Variants in MLLT10 observed in about 807,000 individuals in gnomAD.
MLLT10 encodes the protein protein AF-10.
Under a neutral mutation model 129.1 loss-of-function variants are expected in MLLT10, and 30 were observed. The ratio of observed to expected loss-of-function variants is 0.23; its 90% CI spans 0.17 to 0.32. The LOEUF (loss-of-function observed/expected upper bound fraction) is 0.32. Among genes scored for constraint, MLLT10 ranks in the 10% least tolerant of loss-of-function variants. The pLI is 1.00. For synonymous variants in MLLT10, 490 were observed against 446.4 expected (o/e 1.10, Z -1.23); for missense variants, 1,119 against 1,268.3 (o/e 0.88, Z 1.79).
intron 3 of MLLT10, chr10:21,556,568 A>G: frequency 8.6e-7 from 1 of 1,163,992 alleles, no homozygotes; most frequent in Admixed American, 2.3e-5. Flanking sequence ...TAAGCTTTGC[A>G]GTTTTCTAGG....
chr10:21,666,743 C>T (rs987792995), intron 9 of MLLT10, among the ~76,000 whole-genome samples: 5 of 152,100 alleles, frequency 3.3e-5, no homozygotes, highest in African/African-American at 1.2e-4. Flanking sequence ...GTCTGTTACT[C>T]CTTCCTTATC....
intron 13 of MLLT10, among the ~76,000 whole-genome samples, chr10:21,707,115 T>A (rs957272209): frequency 6.6e-6 from 1 of 151,844 alleles, no homozygotes; most frequent in Non-Finnish European, 1.5e-5. Flanking sequence ...GCACTTTTAA[T>A]CACTAGCCAG....
intron 2 of MLLT10, among the ~76,000 whole-genome samples, chr10:21,536,353 G>C (rs2033998390): frequency 6.6e-6 from 1 of 152,110 alleles, no homozygotes; most frequent in South Asian, 2.1e-4. Flanking sequence ...TTGGCATTTT[G>C]AAGGCCAATG....
chr10:21,601,874 T>C lies in MLLT10; in HGVS notation c.405+6434T>C, dbSNP rs570370423. ...TTTGTTTTTGTTTTTGTTTTTAATA[T>C]TTATTTGGCTTCTGGAGTACTCTAG... is the stretch of plus-strand genomic sequence containing the variant. On this transcript the variant is annotated intron_variant, in intron 5 of 22. Transcript: ENST00000307729. 3.9e-5 allele frequency among the ~76,000 whole-genome samples: 6 copies of C among 152,252 alleles called. No homozygotes were observed. The East Asian group carries it at 1.2e-3, about 29-fold the overall frequency.
At position 21,730,932 on chromosome 10, in the gene MLLT10, A is replaced by G. The variant is rs191039912; in HGVS notation, c.2096A>G (p.Asp699Gly). 1.9e-6 allele frequency: 3 copies of G among 1,614,190 alleles called. No homozygotes were observed. The highest frequency in any genetic ancestry group is 2.7e-5 in the African/African-American group (2 of 75,052). ...GTAAGCAGCTTACAGATTCGCTATG[A>G]TCAACCAGGCAACAGCAGTTTGGAA... Reference protein sequence around the residue: ...SPVSSLQIRYDQPGNSSLENL... With the variant: ...SPVSSLQIRYGQPGNSSLENL... The change falls in exon 17 of 23, where the codon GAT becomes GGT. Residue 699 changes from aspartate to glycine, a missense_variant. Asp to Gly is a moderately conservative substitution (Grantham distance 94, BLOSUM62 -1). Coordinates refer to ENST00000307729, the MANE Select transcript of MLLT10 (RefSeq NM_001195626.3).
In MLLT10 at chr10:21,673,411, C is replaced by T. The variant is rs778187736; in HGVS notation, c.1113C>T (p.Pro371=). The T allele has an allele frequency of 4.4e-6, 7 of 1,608,160 alleles. No individual in the cohort carries two copies. Among genetic ancestry groups the T allele is most frequent in the Non-Finnish European group, 5.9e-6 (7 of 1,177,752 alleles). ...CTTCTGGAAGTTCAGTGCAGTCTCC[C>T]CAGGATTTCCTGAGCTTTACAGACT... ...KSSSGSSVQS[P]QDFLSFTDSD... The change falls in exon 11 of 23, where the codon CCC becomes CCT. Residue 371 remains proline, a synonymous_variant. Transcript: ENST00000307729.
At chr10:21,671,518 T>G (rs1216560385) in intron 10 of MLLT10, among the ~76,000 whole-genome samples, 1 of 152,166 alleles carries the variant, frequency 6.6e-6, no homozygotes. Flanking sequence ...CTGGGCACAG[T>G]GGCTCATGCC....
chr10:21,678,851 G>C (rs1218806437), intron 11 of MLLT10, among the ~76,000 whole-genome samples: 1 of 152,068 alleles, frequency 6.6e-6, no homozygotes, highest in African/African-American at 2.4e-5. Context: ...TTTGATCCTT[G>C]GAACAGCCTT....
chr10:21,593,926 T>TAA (rs61561146), intron 4 of MLLT10, among the ~76,000 whole-genome samples: 2,246 of 45,328 alleles, frequency 0.05, 179 homozygotes, highest in African/African-American at 0.092. Flanking sequence ...GCTTTGTCTT[T>TAA]AAAAAAAAAA....
At chr10:21,738,499 C>T in intron 21 of MLLT10, 1 of 1,287,974 alleles carries the variant, frequency 7.8e-7, no homozygotes, top group South Asian at 1.2e-5. Context: ...TGTACTTTTT[C>T]CTTCATCTGC....
chr10:21,705,653 G>T (rs2055418101), intron 13 of MLLT10, among the ~76,000 whole-genome samples: 2 of 152,158 alleles, frequency 1.3e-5, no homozygotes, highest in Non-Finnish European at 2.9e-5. Context: ...GTGTGCAGTA[G>T]CCCACACTTT....
At chr10:21,571,440 T>G (rs1215993967) in intron 3 of MLLT10, among the ~76,000 whole-genome samples, 1 of 152,234 alleles carries the variant, frequency 6.6e-6, no homozygotes, top group Non-Finnish European at 1.5e-5. Context: ...TCTGCCTGGG[T>G]TCCTCCTCCC....
intron 21 of MLLT10, among the ~76,000 whole-genome samples, chr10:21,739,129 A>C (rs2058625284): frequency 6.6e-6 from 1 of 152,192 alleles, no homozygotes; most frequent in Admixed American, 6.5e-5. Context: ...TCCATCCTGA[A>C]ATCAGACTGT....
intron 3 of MLLT10, among the ~76,000 whole-genome samples, chr10:21,582,366 C>T (rs760424611): frequency 2.0e-5 from 3 of 152,066 alleles, no homozygotes; most frequent in Non-Finnish European, 1.5e-5. Flanking sequence ...GTGATCTGCC[C>T]GCCTCAGCCT....
At chr10:21,573,921 T>C (rs1478979446) in intron 3 of MLLT10, among the ~76,000 whole-genome samples, 2 of 152,212 alleles carry the variant, frequency 1.3e-5, no homozygotes, top group Non-Finnish European at 2.9e-5. Flanking sequence ...TTTGCAACTT[T>C]GTATGGGAGG....
intron 3 of MLLT10, among the ~76,000 whole-genome samples, chr10:21,542,430 C>T (rs1036389894): frequency 2.0e-5 from 3 of 152,084 alleles, no homozygotes; most frequent in East Asian, 1.9e-4. Context: ...ATTAGCCGGG[C>T]GTGGTAGTGA....
intron 5 of MLLT10, among the ~76,000 whole-genome samples, chr10:21,602,793 A>T (rs948111054): frequency 6.6e-6 from 1 of 151,618 alleles, no homozygotes; most frequent in Non-Finnish European, 1.5e-5. Context: ...CAGTGGCGCA[A>T]TCTCGGCTCA....
intron 21 of MLLT10, among the ~76,000 whole-genome samples, chr10:21,736,776 G>A (rs2058402370): frequency 2.6e-5 from 4 of 152,200 alleles, no homozygotes; most frequent in Admixed American, 2.6e-4. Flanking sequence ...TGGAGATAAG[G>A]CAGTTGCACA....
At chr10:21,615,303 C>A (rs2045119612) in intron 7 of MLLT10, among the ~76,000 whole-genome samples, 1 of 151,058 alleles carries the variant, frequency 6.6e-6, no homozygotes, top group Non-Finnish European at 1.5e-5. Context: ...ATTAAAAATA[C>A]AAAATTAGCG....
Sources: allele counts gnomAD v4.1 joint callset (sites outside exome capture counted in the v4.1 genomes callset), GRCh38; gene constraint gnomAD v4.1.1; transcripts MANE v1.5; gene names NCBI Gene and HGNC (gene_info 2026-07-23, HGNC 2026-07-21).